The following EFEMP2 variants were observed in gnomAD, a reference collection of about 807,000 sequenced individuals.
EFEMP2 encodes the protein EGF-like fibulin extracellular matrix protein 2.
In EFEMP2, 21 loss-of-function variants were observed where a neutral mutation model predicts 55.3. That is an observed-to-expected ratio of 0.38 (90% CI 0.27 to 0.55). The LOEUF is 0.55. Among genes scored for constraint, EFEMP2 ranks in the 20% least tolerant of loss-of-function variants. The pLI is 0.77. For synonymous variants in EFEMP2, 275 were observed against 242.3 expected (o/e 1.14, Z -1.25); for missense variants, 513 against 615.1 (o/e 0.83, Z 1.76).
rs201593221 is a variant in EFEMP2, at chr11:65,871,213, T to C, written c.311A>G (p.Gln104Arg). 1.9e-6 allele frequency: 3 copies of C among 1,614,034 alleles called. No homozygotes were observed. The highest frequency in any genetic ancestry group is 2.5e-6 in the Non-Finnish European group (3 of 1,180,016). Reference sequence around the variant, plus strand: ...GCCTGGTGGGCAGGGGTTGGGGTGTTGAGCGGGAGGCACTGGTGGCGGGGG... The same window carrying C: ...GCCTGGTGGGCAGGGGTTGGGGTGTCGAGCGGGAGGCACTGGTGGCGGGGG... ...EGPPPPVPPA[Q>R]HPNPCPPGYE... is the part of the protein sequence containing the mutation. Residue 104 changes from glutamine to arginine, a missense_variant, in exon 4 of 11, where the codon CAA becomes CGA. Coordinates refer to ENST00000307998, the MANE Select transcript of EFEMP2 (RefSeq NM_016938.5).
intron 9 of EFEMP2, 73 bp from the exon 10 acceptor site, chr11:65,868,129 G>A (rs934633464): frequency 1.3e-6 from 2 of 1,576,084 alleles, no homozygotes; most frequent in Non-Finnish European, 8.6e-7. Context: ...CCTACAAAGG[G>A]AGGGAATCCC....
At chr11:65,872,050 C>A (rs1293250526) in intron 2 of EFEMP2, 32 bp from the exon 3 acceptor site, 10 of 1,551,272 alleles carry the variant, frequency 6.4e-6, no homozygotes, top group Non-Finnish European at 8.7e-6. Context: ...CCAGTGGTCA[C>A]CCTAAGATCT....
At position 65,866,964 on chromosome 11, in the gene EFEMP2, C is replaced by T; in HGVS notation, c.1286G>A (p.Ser429Asn). Residue 429 changes from serine (S) to asparagine (N), a missense_variant, in exon 11 of 11, where the codon AGC becomes AAC. Transcript: ENST00000307998. ...TMNSLMSYRA[S>N]SVLRLTVFVG... is the part of the protein sequence containing the mutation. ...AAAGACGGTGAGCCTCAGTACAGAG[C>T]TGGCCCGGTAGCTCATGAGGGAATT... The T allele has an allele frequency of 6.2e-7, 1 of 1,614,204 alleles. No homozygotes were observed. Among genetic ancestry groups the T allele is most frequent in the Non-Finnish European group, 8.5e-7 (1 of 1,180,032 alleles).
chr11:65,868,886 T>G (rs1591066258), intron 7 of EFEMP2: 1 of 505,514 alleles, frequency 2.0e-6, no homozygotes, highest in Non-Finnish European at 3.6e-6. Context: ...GAGGCTTGGG[T>G]GTGAATCCCA....
rs1337307098 is a variant in EFEMP2, at chr11:65,872,716, T to C, written c.-41A>G. On this transcript the variant is annotated 5_prime_UTR_variant, in exon 1 of 11. Coordinates refer to ENST00000307998, the MANE Select transcript of EFEMP2 (RefSeq NM_016938.5). ...GCGACACCCCCGCGGCCCGCGGCTC[T>C]GGCGGCTCGGCTGGCTCGGGCAATG... The C allele has an allele frequency of 2.8e-6, 1 of 355,500 alleles. No homozygotes were observed. Among genetic ancestry groups the C allele is most frequent in the South Asian group, 1.9e-5 (1 of 51,930 alleles). The allele number at this position is 355,500 out of a possible 1,614,324, so 22.0% of individuals were successfully genotyped here. A position where few individuals can be genotyped will look rare whatever the true frequency, so the allele number is the denominator to read the frequency against.
chr11:65,872,106 T>A, intron 2 of EFEMP2, 88 bp from the exon 3 acceptor site: 1 of 1,527,180 alleles, frequency 6.5e-7, no homozygotes, highest in Admixed American at 2.0e-5. Context: ...CTGGCCACCC[T>A]CCGGCCTGCT....
Sources: allele counts gnomAD v4.1 joint callset, GRCh38; gene constraint gnomAD v4.1.1; transcripts MANE v1.5; gene names NCBI Gene and HGNC (gene_info 2026-07-23, HGNC 2026-07-21).